The following HSP90AA1 variants were observed in gnomAD, a reference collection of about 807,000 sequenced individuals.
HSP90AA1 encodes the protein heat shock protein HSP 90-alpha.
Under a neutral mutation model 73.3 loss-of-function variants are expected in HSP90AA1, and 18 were observed. The observed-to-expected ratio is 0.25, with a 90% CI of 0.17 to 0.36. The LOEUF (loss-of-function observed/expected upper bound fraction) is 0.36. Ranked by LOEUF, HSP90AA1 falls within the 10% of genes least tolerant of loss-of-function variation. HSP90AA1 has a pLI of 1.00. For synonymous variants in HSP90AA1, 477 were observed against 296.9 expected, an observed-to-expected ratio of 1.61 and a Z score of -6.24; for missense variants, 704 against 874.2, an observed-to-expected ratio of 0.81 and a Z score of 2.45.
At chr14:102,096,113 C>G (rs1250267674) in intron 2 of HSP90AA1, among the ~76,000 whole-genome samples, 1 of 152,208 alleles carries the variant, frequency 6.6e-6, no homozygotes, top group African/African-American at 2.4e-5. Flanking sequence ...CAGCCCTGCC[C>G]ACAACCCACC....
At chr14:102,126,571 C>A (rs1397898168) in intron 1 of HSP90AA1, among the ~76,000 whole-genome samples, 1 of 151,988 alleles carries the variant, frequency 6.6e-6, no homozygotes, top group Non-Finnish European at 1.5e-5. Context: ...TGTTCCCAGG[C>A]TGGAGTGCAG....
At chr14:102,127,184 T>C (rs532984351) in intron 1 of HSP90AA1, among the ~76,000 whole-genome samples, 2 of 152,292 alleles carry the variant, frequency 1.3e-5, no homozygotes, top group South Asian at 2.1e-4. Flanking sequence ...GGATCTCAGA[T>C]AGAAAAAAGT....
chr14:102,123,256 C>T (rs966842289), intron 1 of HSP90AA1, among the ~76,000 whole-genome samples: 6 of 151,878 alleles, frequency 4.0e-5, no homozygotes, highest in Admixed American at 6.6e-5. Flanking sequence ...ATTAGCCGAG[C>T]GTGGTGGTAG....
At chr14:102,125,966 C>T (rs1479386978) in intron 1 of HSP90AA1, among the ~76,000 whole-genome samples, 1 of 152,118 alleles carries the variant, frequency 6.6e-6, no homozygotes, top group Non-Finnish European at 1.5e-5. Flanking sequence ...TTTAAGAAAA[C>T]ATATAAATAT....
Position 102,133,482 on chromosome 14 carries a change from G to T in HSP90AA1, c.155+5768C>A, listed in dbSNP as rs572449153. ...CTTGGTGAGAATGGGATTTAAACTAGTTCTTTTTTTTTTTTTTTGAGATGG... is the reference window on the plus strand; with the variant it reads ...CTTGGTGAGAATGGGATTTAAACTATTTCTTTTTTTTTTTTTTTGAGATGG... On this transcript the variant is annotated intron_variant, in intron 1 of 11. Coordinates refer to the HSP90AA1 transcript ENST00000334701. 2.1e-4 allele frequency among the ~76,000 whole-genome samples: 21 copies of T among 98,816 alleles called. 1 individual carries two copies. In the East Asian group the frequency reaches 6.4e-3, roughly 30 times the overall value. The allele number at this position is 98,816 out of a possible 152,430, so 64.8% of individuals were successfully genotyped here.
At chr14:102,083,732 TA>T (rs201649309) in intron 7 of HSP90AA1, 39 bp from the exon 8 acceptor site, 127,670 of 1,357,864 alleles carry the variant, frequency 0.094, 93 homozygotes, top group Middle Eastern at 0.13. Flanking sequence ...CTTTCTGAAT[TA>T]AAAAAAAAAA....
At chr14:102,099,160 A>G (rs1039757302) in intron 2 of HSP90AA1, among the ~76,000 whole-genome samples, 1 of 152,252 alleles carries the variant, frequency 6.6e-6, no homozygotes, top group African/African-American at 2.4e-5. Context: ...AACTAAAAAA[A>G]TTTCTAAGCT....
chr14:102,086,074 G>A lies in HSP90AA1; in HGVS notation c.213C>T (p.Asp71=), dbSNP rs759314874. ...GGTTAATATGCAGCTCTTTCCCAGA[G>A]TCTAATTTACTGGGATCTGTCAAGC... The part of the protein sequence containing the change: ...YESLTDPSKL[D]SGKELHINLI... The change falls in exon 3 of 11, where the codon GAC becomes GAT. Residue 71 remains aspartate, a synonymous_variant. Transcript: ENST00000216281. 5.2e-5 allele frequency: 84 copies of A among 1,613,588 alleles called. No homozygotes were observed. Among genetic ancestry groups the A allele is most frequent in the Non-Finnish European group, 6.6e-5 (78 of 1,179,646 alleles).
In HSP90AA1 at chr14:102,087,033, G is replaced by A; in HGVS notation, c.-48C>T. The A allele has an allele frequency of 4.1e-6, 4 of 985,366 alleles. No individual in the cohort carries two copies. The highest frequency in any genetic ancestry group is 1.1e-4 in the East Asian group (1 of 8,774). The allele number at this position is 985,366 out of a possible 1,614,324, so 61.0% of individuals were successfully genotyped here. ...ACCAACGGCACAGCCACACCGGGACGCTGAAGCAACTGACGCGCCACCCCC... is the reference window on the plus strand; with the variant it reads ...ACCAACGGCACAGCCACACCGGGACACTGAAGCAACTGACGCGCCACCCCC... On this transcript the variant is annotated 5_prime_UTR_variant, in exon 1 of 11. Coordinates refer to ENST00000216281, the MANE Select transcript of HSP90AA1 (RefSeq NM_005348.4).
chr14:102,098,311 G>A (rs1318458046), intron 2 of HSP90AA1, among the ~76,000 whole-genome samples: 2 of 151,668 alleles, frequency 1.3e-5, no homozygotes, highest in African/African-American at 4.8e-5. Context: ...ATAGGCGTCT[G>A]CCACCACGCC....
chr14:102,139,507 G>T, exon 1 of HSP90AA1: 1 of 1,263,354 alleles, frequency 7.9e-7, no homozygotes, highest in South Asian at 1.5e-5. Flanking sequence ...CTCAGGGCAG[G>T]GCGGGAGACC....
chr14:102,128,522 G>A (rs780783075), intron 1 of HSP90AA1, among the ~76,000 whole-genome samples: 6 of 151,864 alleles, frequency 4.0e-5, no homozygotes, highest in East Asian at 3.9e-4. Flanking sequence ...CCAGCTACTC[G>A]GGAGGCTGAG....
intron 9 of HSP90AA1, 155 bp downstream of exon 9, chr14:102,082,879 A>T: frequency 1.3e-6 from 1 of 766,474 alleles, no homozygotes; most frequent in Admixed American, 2.0e-5. Flanking sequence ...TCAGCCTCCC[A>T]AAGTGCTGGG....
upstream of HSP90AA1, among the ~76,000 whole-genome samples, chr14:102,087,942 T>TC (rs2049287867): frequency 8.4e-6 from 1 of 118,774 alleles, no homozygotes; most frequent in Non-Finnish European, 1.8e-5. Flanking sequence ...TTTTTTTTTT[T>TC]TTTTTTTTCT....
In HSP90AA1 at chr14:102,085,402, T is replaced by C; in HGVS notation, c.559A>G (p.Ile187Val). ...GTTTGGTCTTCTTTCAGGTGTAGGATAACTTTTGTTCCACGACCCATAGGT... is the reference window on the plus strand; with the variant it reads ...GTTTGGTCTTCTTTCAGGTGTAGGACAACTTTTGTTCCACGACCCATAGGT... ...GEPMGRGTKV[I>V]LHLKEDQTEY... The change falls in exon 4 of 11, where the codon ATC becomes GTC. Residue 187 changes from isoleucine to valine, a missense_variant. Coordinates refer to ENST00000216281, the MANE Select transcript of HSP90AA1 (RefSeq NM_005348.4). 1.2e-6 allele frequency: 2 copies of C among 1,613,820 alleles called. No homozygotes were observed. The highest frequency in any genetic ancestry group is 2.2e-5 in the East Asian group (1 of 44,888).
chr14:102,096,068 G>T (rs947025014), intron 2 of HSP90AA1, among the ~76,000 whole-genome samples: 3 of 152,122 alleles, frequency 2.0e-5, no homozygotes, highest in Non-Finnish European at 4.4e-5. Flanking sequence ...CTCAGACCTG[G>T]AATGCTGGGC....
At chr14:102,096,605 C>A (rs576801755) in intron 2 of HSP90AA1, among the ~76,000 whole-genome samples, 1 of 152,214 alleles carries the variant, frequency 6.6e-6, no homozygotes, top group Non-Finnish European at 1.5e-5. Flanking sequence ...AGCTCTTAGT[C>A]CCTGGTGTGA....
At position 102,086,364 on chromosome 14, in the gene HSP90AA1, G is replaced by C. The variant is rs761906643; in HGVS notation, c.15C>G (p.Thr5=). The C allele has an allele frequency of 6.8e-6, 11 of 1,614,164 alleles. No individual in the cohort carries two copies. Among genetic ancestry groups the C allele is most frequent in the Non-Finnish European group, 9.3e-6 (11 of 1,180,032 alleles). ...CCTCCATCGGTTGGTCTTGGGTCTG[G>C]GTTTCCTCAGGCATCTGGAACGACA... MPEE[T]QTQDQPMEEE... Residue 5 remains threonine (T), a synonymous_variant, in exon 2 of 11, where the codon ACC becomes ACG. Transcript: ENST00000216281.
chr14:102,105,412 G>A (rs1193175880), intron 1 of HSP90AA1, among the ~76,000 whole-genome samples: 2 of 152,048 alleles, frequency 1.3e-5, no homozygotes, highest in Non-Finnish European at 2.9e-5. Context: ...GGCACAGTGA[G>A]GACGAGAAAA....
Sources: allele counts gnomAD v4.1 joint callset (sites outside exome capture counted in the v4.1 genomes callset), GRCh38; gene constraint gnomAD v4.1.1; transcripts MANE v1.5; gene names NCBI Gene and HGNC (gene_info 2026-07-23, HGNC 2026-07-21).